DPYD: variants seen among roughly 807,000 people sequenced by gnomAD.
DPYD encodes dihydropyrimidine dehydrogenase [NADP(+)].
Under a neutral mutation model 116.2 loss-of-function variants are expected in DPYD, and 109 were observed. The observed-to-expected ratio is 0.94, with a 90% CI of 0.80 to 1.10. DPYD has a LOEUF of 1.10. DPYD is among the 50% of genes least tolerant of loss of function. The pLI is 0.00. For missense variants in DPYD, 1,302 were observed against 1,254.5 expected, an observed-to-expected ratio of 1.04 and a Z score of -0.57; for synonymous variants, 440 against 432.0, an observed-to-expected ratio of 1.02 and a Z score of -0.23.
chr1:97,629,894 AC>A (rs780236657), intron 8 of DPYD, among the ~76,000 whole-genome samples: 6 of 152,018 alleles, frequency 3.9e-5, no homozygotes, highest in African/African-American at 4.8e-5. Flanking sequence ...AATACAAATA[AC>A]CACTAACCTA....
intron 19 of DPYD, among the ~76,000 whole-genome samples, chr1:97,228,590 T>C (rs1274429972): frequency 6.6e-6 from 1 of 152,222 alleles, no homozygotes; most frequent in Non-Finnish European, 1.5e-5. Flanking sequence ...TTTATTTATA[T>C]TACTATTTCT....
At chr1:97,222,827 GT>G (rs1330911751) in intron 19 of DPYD, among the ~76,000 whole-genome samples, 1 of 152,022 alleles carries the variant, frequency 6.6e-6, no homozygotes, top group African/African-American at 2.4e-5. Flanking sequence ...CTTTTAACCA[GT>G]TATGTGAAAT....
At chr1:97,682,812 A>G (rs1410181450) in intron 7 of DPYD, among the ~76,000 whole-genome samples, 1 of 151,962 alleles carries the variant, frequency 6.6e-6, no homozygotes, top group Non-Finnish European at 1.5e-5. Context: ...CCTTCCTCTA[A>G]TGACTTTAGT....
chr1:97,442,735 G>A (rs1050014338), intron 14 of DPYD, among the ~76,000 whole-genome samples: 5 of 152,000 alleles, frequency 3.3e-5, no homozygotes, highest in Non-Finnish European at 7.4e-5. Context: ...GTGAGTTAGT[G>A]TTTAATTTTT....
At chr1:97,351,510 G>A (rs1670142282) in intron 16 of DPYD, among the ~76,000 whole-genome samples, 1 of 152,014 alleles carries the variant, frequency 6.6e-6, no homozygotes, top group Non-Finnish European at 1.5e-5. Context: ...ACACTGAACT[G>A]GAAATTTAGA....
chr1:97,677,365 A>G (rs1219004176), intron 8 of DPYD, among the ~76,000 whole-genome samples: 1 of 152,170 alleles, frequency 6.6e-6, no homozygotes, highest in Non-Finnish European at 1.5e-5. Context: ...TGAATTTCAA[A>G]TAGTTATTTG....
At chr1:97,460,358 A>C (rs1373720028) in intron 13 of DPYD, among the ~76,000 whole-genome samples, 2 of 152,180 alleles carry the variant, frequency 1.3e-5, no homozygotes, top group Non-Finnish European at 2.9e-5. Context: ...GTGGATCCCT[A>C]ATCTACCACT....
intron 19 of DPYD, among the ~76,000 whole-genome samples, chr1:97,203,609 A>AAAACTT (rs1389138190): frequency 6.6e-6 from 1 of 150,520 alleles, no homozygotes; most frequent in East Asian, 2.0e-4. Flanking sequence ...CATGTACCCT[A>AAAACTT]AAACTTAAAG....
intron 5 of DPYD, among the ~76,000 whole-genome samples, chr1:97,715,380 A>G (rs1447785755): frequency 6.6e-6 from 1 of 152,160 alleles, no homozygotes; most frequent in Non-Finnish European, 1.5e-5. Flanking sequence ...ATGTAAACCT[A>G]TATGTCTCAT....
intron 8 of DPYD, among the ~76,000 whole-genome samples, chr1:97,638,372 T>C (rs561230846): frequency 6.6e-6 from 1 of 152,210 alleles, no homozygotes; most frequent in African/African-American, 2.4e-5. Flanking sequence ...CAGATGTTTT[T>C]GCACATGTGG....
intron 18 of DPYD, among the ~76,000 whole-genome samples, chr1:97,286,414 C>T (rs1210505281): frequency 6.6e-6 from 1 of 152,088 alleles, no homozygotes; most frequent in African/African-American, 2.4e-5. Flanking sequence ...TTGCTCTTCT[C>T]AAGGAGTATC....
intron 8 of DPYD, among the ~76,000 whole-genome samples, chr1:97,669,264 A>T (rs746444544): frequency 2.6e-5 from 4 of 152,180 alleles, no homozygotes; most frequent in African/African-American, 2.4e-5. Context: ...ACTTTCTTAG[A>T]TGTCCACAGT....
chr1:97,550,198 C>A (rs1445448237), intron 11 of DPYD, among the ~76,000 whole-genome samples: 1 of 152,034 alleles, frequency 6.6e-6, no homozygotes, highest in Non-Finnish European at 1.5e-5. Flanking sequence ...CTCCCTTTTA[C>A]AACAAAACAT....
At chr1:97,506,010 C>A (rs1036552206) in intron 13 of DPYD, among the ~76,000 whole-genome samples, 13 of 151,912 alleles carry the variant, frequency 8.6e-5, no homozygotes, top group African/African-American at 2.9e-4. Context: ...AACTAACACA[C>A]CAGTAACTTC....
intron 19 of DPYD, among the ~76,000 whole-genome samples, chr1:97,198,719 A>T (rs1658991594): frequency 6.6e-6 from 1 of 152,184 alleles, no homozygotes. Flanking sequence ...GCTTAGTATA[A>T]TTTGTAAGTT....
intron 8 of DPYD, among the ~76,000 whole-genome samples, chr1:97,626,902 C>G (rs2100783796): frequency 6.6e-6 from 1 of 152,060 alleles, no homozygotes; most frequent in East Asian, 1.9e-4. Context: ...GACTGAAATA[C>G]CTTTCCATGG....
In DPYD at chr1:97,372,744, GA is replaced by G. The variant is rs888763805; in HGVS notation, c.2058+816del. On this transcript the variant is annotated intron_variant, in intron 16 of 22. Coordinates refer to ENST00000370192, the MANE Select transcript of DPYD (RefSeq NM_000110.4). ...TTCAAATCAATTTGATGACTTGAGA[GA>G]AAAAAAAAAAGGTGGGGACCTACTA... Among the ~76,000 whole-genome samples the G allele has an allele frequency of 4.9e-3, 699 of 144,102 alleles. 1 individual carries two copies. The highest frequency in any genetic ancestry group is 7.4e-3 in the Non-Finnish European group (482 of 65,408). The allele number at this position is 144,102 out of a possible 152,430, so 94.5% of individuals were successfully genotyped here.
intron 2 of DPYD, among the ~76,000 whole-genome samples, chr1:97,881,564 C>T (rs1376058154): frequency 6.6e-6 from 1 of 151,908 alleles, no homozygotes; most frequent in African/African-American, 2.4e-5. Flanking sequence ...CCTCACTGTA[C>T]CTTGGTTATT....
chr1:97,216,134 C>T (rs1430768212), intron 19 of DPYD, among the ~76,000 whole-genome samples: 1 of 152,046 alleles, frequency 6.6e-6, no homozygotes, highest in Non-Finnish European at 1.5e-5. Context: ...TTTTTAATTT[C>T]CCACAGTGAG....
Sources: gnomAD v4.1 joint callset for allele counts (sites outside exome capture counted in the v4.1 genomes callset) on GRCh38, gnomAD v4.1.1 for gene constraint, MANE v1.5 for transcripts, NCBI Gene and HGNC (gene_info 2026-07-23, HGNC 2026-07-21) for gene names.